EHD3: variants seen among roughly 807,000 people sequenced by gnomAD.
EHD3 encodes the protein EH domain-containing protein 3.
A neutral mutation model predicts 43.0 loss-of-function variants in EHD3; 17 were observed. That is an observed-to-expected ratio of 0.40 (90% confidence interval 0.27 to 0.59). EHD3 has a LOEUF of 0.59. Among genes scored for constraint, EHD3 ranks in the 20% least tolerant of loss-of-function variants. EHD3 has a pLI of 0.49. For synonymous variants in EHD3, 313 were observed against 289.5 expected, an observed-to-expected ratio of 1.08 and a Z score of -0.82; for missense variants, 594 against 705.6, an observed-to-expected ratio of 0.84 and a Z score of 1.79.
intron 3 of EHD3, among the ~76,000 whole-genome samples, chr2:31,251,565 CTG>C (rs1360469811): frequency 6.6e-6 from 1 of 152,150 alleles, no homozygotes; most frequent in Non-Finnish European, 1.5e-5. Flanking sequence ...ACTTGGGAAA[CTG>C]TGTTAGCAGT....
intron 1 of EHD3, among the ~76,000 whole-genome samples, chr2:31,240,966 C>T (rs548547835): frequency 1.3e-5 from 2 of 152,318 alleles, no homozygotes; most frequent in East Asian, 3.9e-4. Context: ...GTTTCCCAAT[C>T]AGGGTGGAAT....
intron 3 of EHD3, among the ~76,000 whole-genome samples, chr2:31,253,532 TA>T (rs1376586926): frequency 1.3e-5 from 2 of 152,124 alleles, no homozygotes; most frequent in African/African-American, 4.8e-5. Context: ...TCTCACCAGA[TA>T]AAAAGGGGCA....
intron 1 of EHD3, among the ~76,000 whole-genome samples, chr2:31,239,153 C>T (rs1683373802): frequency 6.6e-6 from 1 of 152,224 alleles, no homozygotes; most frequent in Admixed American, 6.5e-5. Context: ...ATCCCCACCC[C>T]AGGCATTACA....
At chr2:31,264,325 C>T (rs1683903896) in intron 5 of EHD3, among the ~76,000 whole-genome samples, 1 of 152,082 alleles carries the variant, frequency 6.6e-6, no homozygotes, top group Non-Finnish European at 1.5e-5. Context: ...TATACTTGTA[C>T]AGGGCACTTA....
intron 5 of EHD3, 107 bp downstream of exon 5, chr2:31,261,820 CCCAG>C: frequency 4.4e-6 from 6 of 1,364,048 alleles, no homozygotes; most frequent in African/African-American, 1.5e-5. Flanking sequence ...GAGAACCCCG[CCCAG>C]AATCTGCAGG....
In EHD3 at chr2:31,269,436, A is replaced by G. The variant is rs1479114558; in HGVS notation, c.*2732A>G. ...GTAAAGTCTGATACCAATAAAGTGA[A>G]TGTATTCCAAAGCTAGCTTGGAGGA... On this transcript the variant is annotated 3_prime_UTR_variant, in exon 6 of 6. Transcript: ENST00000322054. 1 of 152,190 alleles carries G rather than the reference A, an allele frequency of 6.6e-6. No individual in the cohort carries two copies. The highest frequency in any genetic ancestry group is 1.5e-5 in the Non-Finnish European group (1 of 68,040). The allele number at this position is 152,190 out of a possible 1,614,324, so 9.4% of individuals were successfully genotyped here. A position where few individuals can be genotyped will look rare whatever the true frequency, so the allele number is the denominator to read the frequency against.
Position 31,266,172 on chromosome 2 carries a change from C to A in EHD3, c.1081-5C>A. On this transcript the variant is annotated splice_region_variant and splice_polypyrimidine_tract_variant and intron_variant, in intron 5 of 5. Coordinates refer to ENST00000322054, the MANE Select transcript of EHD3 (RefSeq NM_014600.3). This position sits in a 1 kb window ranked among gnomAD's most constrained non-coding sequence, Gnocchi z 5.1. ...TATCTTCATCCTCTCTCCTCCTCTT[C>A]CCAGGACCAGCTGCAGGCCCAGGAC... 1 of 1,607,008 alleles carries A rather than the reference C, an allele frequency of 6.2e-7. No individual in the cohort carries two copies.
At chr2:31,248,741 C>CTCAGTTACTGTTCTT (rs1255274678) in intron 2 of EHD3, among the ~76,000 whole-genome samples, 1 of 152,164 alleles carries the variant, frequency 6.6e-6, no homozygotes, top group African/African-American at 2.4e-5. Context: ...AGAGTAGGGC[C>CTCAGTTACTGTTCTT]TCAGTTACTG....
intron 4 of EHD3, among the ~76,000 whole-genome samples, chr2:31,261,207 TGAAATAAAGA>T (rs1238282501): frequency 1.3e-5 from 2 of 151,998 alleles, no homozygotes; most frequent in Non-Finnish European, 2.9e-5. Flanking sequence ...GAGGATAAAG[TGAAATAAAGA>T]GTCTCAAAGC....
At chr2:31,264,838 AG>A (rs959625068) in intron 5 of EHD3, among the ~76,000 whole-genome samples, 2 of 152,090 alleles carry the variant, frequency 1.3e-5, no homozygotes, top group African/African-American at 4.8e-5. Context: ...TAGCCTACAA[AG>A]TTTTTGACTC....
At position 31,268,821 on chromosome 2, in the gene EHD3, A is replaced by G. The variant is rs1684002566; in HGVS notation, c.*2117A>G. The G allele has an allele frequency of 6.6e-6, 1 of 152,176 alleles. No individual in the cohort carries two copies. The highest frequency in any genetic ancestry group is 6.5e-5 in the Admixed American group (1 of 15,276). 9.4% of individuals were successfully genotyped at this position (152,176 alleles called of 1,614,324 possible). On this transcript the variant is annotated 3_prime_UTR_variant, in exon 6 of 6. Transcript: ENST00000322054. ...GGGAAGGAAATAGCAGAGGTAGGTGAAGTTCCTGTCTTTTTATTTTATAGG... is the reference window on the plus strand; with the variant it reads ...GGGAAGGAAATAGCAGAGGTAGGTGGAGTTCCTGTCTTTTTATTTTATAGG...
At chr2:31,243,204 G>A (rs1218271330) in intron 1 of EHD3, among the ~76,000 whole-genome samples, 1 of 152,072 alleles carries the variant, frequency 6.6e-6, no homozygotes, top group Non-Finnish European at 1.5e-5. Flanking sequence ...CTTGAACCTG[G>A]GAGGTGGAGG....
Position 31,260,575 on chromosome 2 carries a change from G to T in EHD3, c.568G>T (p.Asp190Tyr), listed in dbSNP as rs1371513087. 1 of 1,613,924 alleles carries T rather than the reference G, an allele frequency of 6.2e-7. No homozygotes were observed. The highest frequency in any genetic ancestry group is 8.5e-7 in the Non-Finnish European group (1 of 1,179,996). ...ERVDRIILLF[D>Y]AHKLDISDEF... ...GGTTGACCGCATCATTCTGCTCTTC[G>T]ATGCCCACAAACTGGACATCTCTGA... Residue 190 changes from aspartate (D) to tyrosine (Y), a missense_variant, in exon 4 of 6, where the codon GAT becomes TAT. Asp to Tyr is a radical substitution (Grantham distance 160, BLOSUM62 -3). This residue lies in a region of EHD3 where 243 missense variants were observed against 296.7 expected (regional missense o/e 0.82). Coordinates refer to ENST00000322054, the MANE Select transcript of EHD3 (RefSeq NM_014600.3). This position sits in a 1 kb window ranked among gnomAD's most constrained non-coding sequence, Gnocchi z 4.6.
chr2:31,249,852 A>T (rs2148719148), intron 3 of EHD3, among the ~76,000 whole-genome samples: 1 of 152,300 alleles, frequency 6.6e-6, no homozygotes, highest in Middle Eastern at 3.4e-3. Flanking sequence ...GCATACAGAG[A>T]AATTCAGCTC....
intron 1 of EHD3, among the ~76,000 whole-genome samples, chr2:31,240,454 G>A (rs1368922930): frequency 1.3e-5 from 2 of 152,204 alleles, no homozygotes; most frequent in Non-Finnish European, 2.9e-5. Context: ...GCTGCTGTAA[G>A]CCATACCCAA....
intron 1 of EHD3, among the ~76,000 whole-genome samples, chr2:31,237,505 A>C (rs1683344871): frequency 6.6e-6 from 1 of 152,116 alleles, no homozygotes; most frequent in Non-Finnish European, 1.5e-5. Context: ...CCTGTGTTCA[A>C]GCAGTTCTCC....
intron 1 of EHD3, among the ~76,000 whole-genome samples, chr2:31,243,473 T>TTTTTTTTTTTA (rs1683461753): frequency 1.4e-5 from 2 of 141,158 alleles, no homozygotes; most frequent in African/African-American, 5.3e-5. Context: ...TTTTTTTTTT[T>TTTTTTTTTTTA]GAGACAGAGT....
chr2:31,245,638 C>G (rs1331154623), intron 2 of EHD3, among the ~76,000 whole-genome samples: 1 of 143,018 alleles, frequency 7.0e-6, no homozygotes, highest in Non-Finnish European at 1.5e-5. Context: ...CTCAGCTCAT[C>G]GCAAACTCTG....
intron 3 of EHD3, among the ~76,000 whole-genome samples, chr2:31,256,050 C>T (rs1179531790): frequency 1.3e-5 from 2 of 152,114 alleles, no homozygotes; most frequent in Admixed American, 1.3e-4. Flanking sequence ...CGGAGGTTGT[C>T]CAGCTCAATC....
Sources: gnomAD v4.1 joint callset for allele counts (sites outside exome capture counted in the v4.1 genomes callset) on GRCh38, gnomAD v4.1.1 for gene constraint, gnomAD v4.1.1 regional missense constraint, Gnocchi (gnomAD v3.1) non-coding constraint, MANE v1.5 for transcripts, NCBI Gene and HGNC (gene_info 2026-07-23, HGNC 2026-07-21) for gene names.